Variants in DGKG observed in about 807,000 individuals in gnomAD.
DGKG encodes the protein diacylglycerol kinase gamma, also known as DAG kinase gamma.
In DGKG, 78 loss-of-function variants were observed where a neutral mutation model predicts 105.3. The ratio of observed to expected loss-of-function variants is 0.74; its 90% CI spans 0.62 to 0.89. The LOEUF (loss-of-function observed/expected upper bound fraction) is 0.89, where lower values mean the gene tolerates loss of function less well. Among genes scored for constraint, DGKG ranks in the 40% least tolerant of loss-of-function variants. DGKG has a pLI of 0.00. For missense variants in DGKG, 958 were observed against 1,020.1 expected, an observed-to-expected ratio of 0.94 and a Z score of 0.83; for synonymous variants, 346 against 367.1, an observed-to-expected ratio of 0.94 and a Z score of 0.66.
chr3:186,158,602 A>T, intron 24 of DGKG: 1 of 916,218 alleles, frequency 1.1e-6, no homozygotes. Flanking sequence ...TTTAATAAAT[A>T]TGAATGCCTG....
At chr3:186,233,518 C>T (rs945237543) in intron 20 of DGKG, among the ~76,000 whole-genome samples, 3 of 152,178 alleles carry the variant, frequency 2.0e-5, no homozygotes, top group Non-Finnish European at 2.9e-5. Context: ...CTCGCTCTGT[C>T]GCCCAGGCTG....
At chr3:186,201,031 A>G (rs1032328590) in intron 21 of DGKG, among the ~76,000 whole-genome samples, 6 of 152,218 alleles carry the variant, frequency 3.9e-5, no homozygotes, top group Non-Finnish European at 5.9e-5. Context: ...ACTGGGTGCC[A>G]GTTTCCAAAA....
Position 186,320,631 on chromosome 3 carries a change from G to A in DGKG, c.-172C>T. 1 of 1,086,652 alleles carries A rather than the reference G, an allele frequency of 9.2e-7. No homozygotes were observed. Among genetic ancestry groups the A allele is most frequent in the Non-Finnish European group, 1.3e-6 (1 of 784,064 alleles). 67.3% of individuals were successfully genotyped at this position (1,086,652 alleles called of 1,614,324 possible). A position where few individuals can be genotyped will look rare whatever the true frequency, so the allele number is the denominator to read the frequency against. On this transcript the variant is annotated 5_prime_UTR_variant, in exon 2 of 25. Transcript: ENST00000265022. ...CAGCAGCAGGCACCTCTCAGAAGAT[G>A]AGACAAGATCTCTGCTATTCCTTAG...
chr3:186,173,265 C>T (rs1716914665), intron 22 of DGKG, among the ~76,000 whole-genome samples: 1 of 152,178 alleles, frequency 6.6e-6, no homozygotes, highest in Non-Finnish European at 1.5e-5. Context: ...TCGGCCCATA[C>T]AGGGATAATC....
At chr3:186,268,664 T>TA in intron 12 of DGKG, 137 bp downstream of exon 12, 1 of 626,710 alleles carries the variant, frequency 1.6e-6, no homozygotes, top group Non-Finnish European at 2.8e-6. Context: ...GGGCATTGAA[T>TA]AGGCGCTGTG....
intron 1 of DGKG, among the ~76,000 whole-genome samples, chr3:186,347,502 G>T (rs1316903387): frequency 6.6e-6 from 1 of 150,616 alleles, no homozygotes; most frequent in East Asian, 1.9e-4. Context: ...ACTTAATGTG[G>T]TATGTTTGAC....
At chr3:186,333,133 T>G (rs953507940) in intron 1 of DGKG, among the ~76,000 whole-genome samples, 24 of 152,182 alleles carry the variant, frequency 1.6e-4, no homozygotes, top group Non-Finnish European at 3.1e-4. Context: ...ACTAAGTGTT[T>G]ATGAGAGCAT....
At chr3:186,198,279 T>C (rs1718282744) in intron 21 of DGKG, among the ~76,000 whole-genome samples, 1 of 152,144 alleles carries the variant, frequency 6.6e-6, no homozygotes, top group South Asian at 2.1e-4. Flanking sequence ...ACATGGAAGG[T>C]TAATCCAAGT....
chr3:186,169,921 G>A (rs776700138), intron 22 of DGKG, among the ~76,000 whole-genome samples: 3 of 152,216 alleles, frequency 2.0e-5, no homozygotes, highest in Non-Finnish European at 2.9e-5. Context: ...AATGAAAAGG[G>A]AGAAGGTGAG....
chr3:186,275,420 G>T, intron 10 of DGKG, 127 bp downstream of exon 10: 2 of 792,430 alleles, frequency 2.5e-6, no homozygotes, highest in Non-Finnish European at 4.3e-6. Flanking sequence ...TCCTTCTGTT[G>T]GGACAATATG....
intron 22 of DGKG, among the ~76,000 whole-genome samples, chr3:186,186,781 G>A (rs889276447): frequency 1.3e-5 from 2 of 152,236 alleles, no homozygotes; most frequent in Non-Finnish European, 2.9e-5. Flanking sequence ...AGGGGAATCA[G>A]CTGCCAGGAG....
intron 1 of DGKG, among the ~76,000 whole-genome samples, chr3:186,355,170 C>CA (rs1560170399): frequency 4.5e-4 from 67 of 150,384 alleles, no homozygotes; most frequent in African/African-American, 1.5e-3. Context: ...ACCATCACCC[C>CA]CACAACTATC....
chr3:186,198,562 C>A (rs1718294410), intron 21 of DGKG, among the ~76,000 whole-genome samples: 1 of 152,196 alleles, frequency 6.6e-6, no homozygotes, highest in Non-Finnish European at 1.5e-5. Context: ...CAGTGCTTAA[C>A]AGCAGACTCC....
intron 22 of DGKG, 62 bp from the exon 23 acceptor site, chr3:186,165,080 G>C: frequency 6.5e-7 from 1 of 1,547,464 alleles, no homozygotes; most frequent in Non-Finnish European, 8.7e-7. Flanking sequence ...ACAAGTTCTG[G>C]CCAGAAAGTC....
chr3:186,257,187 C>T (rs1220302980), intron 17 of DGKG, among the ~76,000 whole-genome samples: 3 of 150,540 alleles, frequency 2.0e-5, no homozygotes, highest in Non-Finnish European at 4.4e-5. Flanking sequence ...CCTTATATTA[C>T]ACTTTGCAGT....
intron 21 of DGKG, among the ~76,000 whole-genome samples, chr3:186,200,810 A>G (rs979456082): frequency 6.6e-6 from 1 of 152,246 alleles, no homozygotes; most frequent in Non-Finnish European, 1.5e-5. Context: ...GGAATGCGGC[A>G]TTGAAGCCAT....
At chr3:186,287,801 T>C (rs1723137551) in intron 6 of DGKG, among the ~76,000 whole-genome samples, 4 of 152,254 alleles carry the variant, frequency 2.6e-5, no homozygotes. Context: ...TGGCAAGAAT[T>C]AGCCTTTGGC....
chr3:186,263,522 G>A (rs533120682), intron 14 of DGKG, among the ~76,000 whole-genome samples: 14 of 151,922 alleles, frequency 9.2e-5, no homozygotes, highest in Middle Eastern at 3.4e-3. Context: ...AGCTGAGATC[G>A]CACCATTGCA....
At chr3:186,202,641 T>C (rs1356200098) in intron 21 of DGKG, among the ~76,000 whole-genome samples, 1 of 152,202 alleles carries the variant, frequency 6.6e-6, no homozygotes, top group African/African-American at 2.4e-5. Flanking sequence ...AAAGTTATTC[T>C]TTTAGTAAGG....
Sources: allele counts gnomAD v4.1 joint callset (sites outside exome capture counted in the v4.1 genomes callset), GRCh38; gene constraint gnomAD v4.1.1; transcripts MANE v1.5; gene names NCBI Gene and HGNC (gene_info 2026-07-23, HGNC 2026-07-21).